Variants in LRRC4C observed in about 807,000 individuals in gnomAD.
LRRC4C encodes the protein leucine-rich repeat-containing protein 4C.
LRRC4C carries 5 observed loss-of-function variants against 33.6 expected under a neutral mutation model. That is an observed-to-expected ratio of 0.15 (90% CI 0.08 to 0.31). The LOEUF is 0.31. Ranked by LOEUF, LRRC4C falls within the 10% of genes least tolerant of loss-of-function variation. The probability of loss-of-function intolerance (pLI) is 1.00; values close to 1 mark genes in which losing one functional copy is unlikely to be tolerated. For missense variants in LRRC4C, 560 were observed against 796.7 expected (o/e 0.70, Z 3.58); for synonymous variants, 329 against 302.0 (o/e 1.09, Z -0.93).
At chr11:40,724,116 G>A (rs1947167961) in intron 2 of LRRC4C, among the ~76,000 whole-genome samples, 1 of 152,000 alleles carries the variant, frequency 6.6e-6, no homozygotes, top group Admixed American at 6.6e-5. Context: ...CATAAAACAA[G>A]TAATTCTAGA....
At chr11:40,442,691 A>G (rs1951451108) in intron 3 of LRRC4C, among the ~76,000 whole-genome samples, 1 of 152,298 alleles carries the variant, frequency 6.6e-6, no homozygotes, top group South Asian at 2.1e-4. Context: ...AACTATGGAG[A>G]TCATATAAGC....
chr11:40,368,546 AG>A (rs1948314336), intron 3 of LRRC4C, among the ~76,000 whole-genome samples: 2 of 152,184 alleles, frequency 1.3e-5, no homozygotes, highest in South Asian at 2.1e-4. Flanking sequence ...TCAATTCCTA[AG>A]GGCTTCCAGT....
intron 1 of LRRC4C, among the ~76,000 whole-genome samples, chr11:41,321,952 C>T (rs1424645289): frequency 1.3e-5 from 2 of 152,026 alleles, no homozygotes; most frequent in Non-Finnish European, 2.9e-5. Context: ...GCAACCTCCA[C>T]CTCCCTGGTT....
At chr11:40,361,055 T>C (rs1262373918) in intron 3 of LRRC4C, among the ~76,000 whole-genome samples, 1 of 152,140 alleles carries the variant, frequency 6.6e-6, no homozygotes, top group Non-Finnish European at 1.5e-5. Flanking sequence ...ATCCTTCATG[T>C]TAAAAACTCT....
intron 1 of LRRC4C, among the ~76,000 whole-genome samples, chr11:40,966,025 T>C (rs567451737): frequency 6.6e-6 from 1 of 152,230 alleles, no homozygotes; most frequent in Admixed American, 6.6e-5. Context: ...TCCATTTGTT[T>C]GTATCCTCTT....
chr11:40,529,964 T>C (rs980555575), intron 3 of LRRC4C, among the ~76,000 whole-genome samples: 3 of 152,080 alleles, frequency 2.0e-5, no homozygotes, highest in Non-Finnish European at 4.4e-5. Flanking sequence ...GAAATTAAAG[T>C]ATAATTTTAA....
chr11:40,505,840 C>T (rs1955008309), intron 3 of LRRC4C, among the ~76,000 whole-genome samples: 1 of 152,090 alleles, frequency 6.6e-6, no homozygotes, highest in Non-Finnish European at 1.5e-5. Flanking sequence ...CCCGCTTTCA[C>T]ATTCTGACCC....
chr11:41,084,568 G>T (rs530103215), intron 1 of LRRC4C, among the ~76,000 whole-genome samples: 4 of 151,962 alleles, frequency 2.6e-5, no homozygotes, highest in Non-Finnish European at 4.4e-5. Context: ...TTAAAAATTG[G>T]CTGGGCACAG....
intron 1 of LRRC4C, among the ~76,000 whole-genome samples, chr11:41,242,664 C>G (rs2136563413): frequency 6.6e-6 from 1 of 152,222 alleles, no homozygotes; most frequent in East Asian, 1.9e-4. Flanking sequence ...ATCTATCTGT[C>G]TGTCTGTCTC....
intron 5 of LRRC4C, among the ~76,000 whole-genome samples, chr11:40,150,194 A>G (rs1292482412): frequency 1.3e-5 from 2 of 151,952 alleles, no homozygotes; most frequent in Non-Finnish European, 2.9e-5. Flanking sequence ...GACATTTGTC[A>G]TTGTATTTGG....
intron 1 of LRRC4C, among the ~76,000 whole-genome samples, chr11:41,448,827 G>C (rs567752678): frequency 6.6e-6 from 1 of 152,204 alleles, no homozygotes; most frequent in Admixed American, 6.5e-5. Context: ...CTACTTCATA[G>C]TTGTTTTGGA....
intron 1 of LRRC4C, among the ~76,000 whole-genome samples, chr11:41,248,941 A>T (rs1396395965): frequency 6.6e-6 from 1 of 151,926 alleles, no homozygotes; most frequent in Non-Finnish European, 1.5e-5. Context: ...CTTCCAATCT[A>T]TCAGTAAATA....
chr11:41,052,277 A>G, intron 1 of LRRC4C, among the ~76,000 whole-genome samples: 1 of 152,164 alleles, frequency 6.6e-6, no homozygotes, highest in East Asian at 1.9e-4. Flanking sequence ...GGGAAGAGAT[A>G]CAAGTCCTTC....
chr11:40,672,201 G>T (rs1379159592), intron 2 of LRRC4C, among the ~76,000 whole-genome samples: 7 of 152,168 alleles, frequency 4.6e-5, no homozygotes. Flanking sequence ...ATTTCTAGGT[G>T]TGTTTCATAG....
Position 40,929,861 on chromosome 11 carries a change from A to G in LRRC4C, c.-407+3774T>C, listed in dbSNP as rs1957545973. On this transcript the variant is annotated intron_variant, in intron 2 of 6. Coordinates refer to ENST00000528697, the MANE Select transcript of LRRC4C (RefSeq NM_001258419.2). The stretch of plus-strand genomic sequence containing the variant: ...TTTTTCCAAGACCTTTCCTCTATTG[A>G]CATGTAATTCATGTCTATTATCCTA... Among the ~76,000 whole-genome samples the G allele has an allele frequency of 2.0e-5, 3 of 152,164 alleles. No homozygotes were observed. The South Asian group carries it at 6.2e-4, about 31-fold the overall frequency.
intron 5 of LRRC4C, among the ~76,000 whole-genome samples, chr11:40,164,811 C>T (rs1260505379): frequency 6.6e-6 from 1 of 152,090 alleles, no homozygotes; most frequent in African/African-American, 2.4e-5. Context: ...CCTAAATACC[C>T]TGATTTGATC....
At chr11:40,360,970 C>G (rs753860489) in intron 3 of LRRC4C, among the ~76,000 whole-genome samples, 1 of 152,080 alleles carries the variant, frequency 6.6e-6, no homozygotes, top group Non-Finnish European at 1.5e-5. Flanking sequence ...TGTGATTCAT[C>G]ACATAAAAAA....
chr11:40,574,549 T>C (rs1018353060), intron 3 of LRRC4C, among the ~76,000 whole-genome samples: 1 of 152,136 alleles, frequency 6.6e-6, no homozygotes, highest in Admixed American at 6.5e-5. Flanking sequence ...GAACACCATA[T>C]GGATAAATAT....
chr11:41,195,389 A>G (rs1461334730), intron 1 of LRRC4C, among the ~76,000 whole-genome samples: 1 of 152,150 alleles, frequency 6.6e-6, no homozygotes, highest in African/African-American at 2.4e-5. Context: ...GCCATTTAAA[A>G]AAACAAAATT....
Sources: allele counts gnomAD v4.1 joint callset (sites outside exome capture counted in the v4.1 genomes callset), GRCh38; gene constraint gnomAD v4.1.1; transcripts MANE v1.5; gene names NCBI Gene and HGNC (gene_info 2026-07-23, HGNC 2026-07-21).